Variants in ATF2 observed in about 807,000 individuals in gnomAD.
The protein encoded by ATF2 is activating transcription factor 2.
A neutral mutation model predicts 60.6 loss-of-function variants in ATF2; 24 were observed. That is an observed-to-expected ratio of 0.40 (90% CI 0.29 to 0.56). ATF2 has a LOEUF of 0.56. ATF2 is among the 20% of genes least tolerant of loss of function. The pLI, the probability that ATF2 is intolerant of heterozygous loss-of-function variation, is 0.54. For missense variants in ATF2, 433 were observed against 607.7 expected (o/e 0.71, Z 3.02); for synonymous variants, 206 against 215.4 (o/e 0.96, Z 0.38).
intron 12 of ATF2, chr2:175,092,653 C>A: frequency 4.7e-6 from 2 of 428,296 alleles, no homozygotes; most frequent in Non-Finnish European, 4.7e-6. Flanking sequence ...ATTTATAATT[C>A]AAAGAATGAA....
chr2:175,092,982 G>C (rs1005222106), intron 12 of ATF2, 79 bp downstream of exon 12: 1 of 1,464,674 alleles, frequency 6.8e-7, no homozygotes, highest in African/African-American at 1.4e-5. Context: ...ATGTTTGGAG[G>C]CCCAACTAGG....
chr2:175,121,377 T>C (rs1696943994), intron 5 of ATF2, 67 bp downstream of exon 5: 1 of 1,045,062 alleles, frequency 9.6e-7, no homozygotes, highest in Admixed American at 2.5e-5. Context: ...TTACAGAGAA[T>C]ACACAAAAAT....
intron 4 of ATF2, among the ~76,000 whole-genome samples, chr2:175,129,408 C>T (rs1327932009): frequency 6.6e-6 from 1 of 151,974 alleles, no homozygotes; most frequent in East Asian, 1.9e-4. Context: ...TGTGTTAAAA[C>T]TTATCAAATG....
At chr2:175,098,768 C>T (rs2105613929) in intron 10 of ATF2, among the ~76,000 whole-genome samples, 1 of 152,264 alleles carries the variant, frequency 6.6e-6, no homozygotes, top group African/African-American at 2.4e-5. Flanking sequence ...TATTTCCATT[C>T]ACTTCAACTA....
chr2:175,131,659 GA>G (rs2105751597), intron 3 of ATF2, among the ~76,000 whole-genome samples: 1 of 152,084 alleles, frequency 6.6e-6, no homozygotes, highest in East Asian at 1.9e-4. Flanking sequence ...ACAAACTAAG[GA>G]ATACTGATAT....
chr2:175,140,943 A>G lies in ATF2; in HGVS notation c.-43-4457T>C, dbSNP rs180995963. The stretch of plus-strand genomic sequence containing the variant: ...GCCTAGGATTTTGAGACTGCAGTGA[A>G]CTATGCTCTTGCCAATACACTCCAG... On this transcript the variant is annotated intron_variant, in intron 2 of 13. Coordinates refer to ENST00000264110, the MANE Select transcript of ATF2 (RefSeq NM_001880.4). Among the ~76,000 whole-genome samples, 4 of 137,272 alleles carry G rather than the reference A, an allele frequency of 2.9e-5. No homozygotes were observed. In the Admixed American group the frequency reaches 3.1e-4, roughly 11 times the overall value. The allele number at this position is 137,272 out of a possible 152,430, so 90.1% of individuals were successfully genotyped here. A position where few individuals can be genotyped will look rare whatever the true frequency, so the allele number is the denominator to read the frequency against.
chr2:175,148,261 T>C (rs1204251772), intron 2 of ATF2, among the ~76,000 whole-genome samples: 1 of 152,140 alleles, frequency 6.6e-6, no homozygotes, highest in Non-Finnish European at 1.5e-5. Context: ...TGAGTTTCCA[T>C]TCCCTAAATA....
Position 175,074,495 on chromosome 2 carries a change from T to C in ATF2, c.*114A>G. 9.8e-7 allele frequency: 1 copy of C among 1,020,698 alleles called. No individual in the cohort carries two copies. Among genetic ancestry groups the C allele is most frequent in the South Asian group, 2.1e-5 (1 of 48,530 alleles). The allele number at this position is 1,020,698 out of a possible 1,614,324, so 63.2% of individuals were successfully genotyped here. A position where few individuals can be genotyped will look rare whatever the true frequency, so the allele number is the denominator to read the frequency against. On this transcript the variant is annotated 3_prime_UTR_variant, in exon 14 of 14. Transcript: ENST00000264110. Reference sequence around the variant, plus strand: ...CTTTAGAGCCAAATTTAATTTCAAGTAAAAAAAAAAAATTTACAACCACAG... The same window carrying C: ...CTTTAGAGCCAAATTTAATTTCAAGCAAAAAAAAAAAATTTACAACCACAG...
chr2:175,083,742 T>A (rs1693933735), intron 12 of ATF2, among the ~76,000 whole-genome samples: 1 of 152,274 alleles, frequency 6.6e-6, no homozygotes, highest in Non-Finnish European at 1.5e-5. Flanking sequence ...CGCAACCTAC[T>A]TATCTGACAA....
At chr2:175,134,540 T>TA (rs34374458) in intron 3 of ATF2, among the ~76,000 whole-genome samples, 358 of 134,994 alleles carry the variant, frequency 2.7e-3, no homozygotes, top group African/African-American at 6.6e-3. Flanking sequence ...AAAACTGGTT[T>TA]AAAAAAAAAA....
At chr2:175,164,308 TG>T (rs1700215050) in intron 1 of ATF2, among the ~76,000 whole-genome samples, 1 of 151,794 alleles carries the variant, frequency 6.6e-6, no homozygotes, top group Admixed American at 6.6e-5. Flanking sequence ...CCAAGGCGAG[TG>T]GATCACTCGA....
chr2:175,129,802 C>T (rs549106213), intron 4 of ATF2, among the ~76,000 whole-genome samples: 8 of 152,038 alleles, frequency 5.3e-5, no homozygotes, highest in East Asian at 1.9e-4. Flanking sequence ...CATATAATAT[C>T]GATCTGATTT....
chr2:175,106,739 G>C (rs1260703704), intron 10 of ATF2, among the ~76,000 whole-genome samples: 1 of 152,134 alleles, frequency 6.6e-6, no homozygotes, highest in Non-Finnish European at 1.5e-5. Flanking sequence ...GGGAGGCTGA[G>C]GCAGGAAAAC....
At position 175,113,980 on chromosome 2, in the gene ATF2, T is replaced by C; in HGVS notation, c.741+14A>G. ...AGTTTTGCGATAGAGATTTAAATAG[T>C]CTAACTTTCTTACTGGGACTGCAGC... On this transcript the variant is annotated intron_variant, in intron 9 of 13. Transcript: ENST00000264110. 1 of 1,587,530 alleles carries C rather than the reference T, an allele frequency of 6.3e-7. No homozygotes were observed. The highest frequency in any genetic ancestry group is 8.6e-7 in the Non-Finnish European group (1 of 1,159,724).
chr2:175,166,866 T>C (rs550947672), intron 1 of ATF2, among the ~76,000 whole-genome samples: 41 of 152,322 alleles, frequency 2.7e-4, no homozygotes, highest in African/African-American at 8.9e-4. Flanking sequence ...CTCTAAGAAA[T>C]TTAAACTTTC....
chr2:175,082,371 C>T (rs949107002), intron 12 of ATF2, among the ~76,000 whole-genome samples: 17 of 152,126 alleles, frequency 1.1e-4, no homozygotes, highest in East Asian at 3.8e-4. Context: ...AAAAGATAAG[C>T]TGTCATTTAG....
chr2:175,113,867 A>C lies in ATF2; in HGVS notation c.741+127T>G, dbSNP rs35480557. ...TATGCTATTACAATGATAACAAATAAATACTATCAACTGCTAATCAATATT... is the reference window on the plus strand; with the variant it reads ...TATGCTATTACAATGATAACAAATACATACTATCAACTGCTAATCAATATT... On this transcript the variant is annotated intron_variant, in intron 9 of 13. Transcript: ENST00000264110. The C allele has an allele frequency of 0.036, 30,187 of 838,492 alleles. 809 individuals carry two copies. Among genetic ancestry groups the C allele is most frequent in the Admixed American group, 0.12 (4,676 of 40,380 alleles). The allele number at this position is 838,492 out of a possible 1,614,324, so 51.9% of individuals were successfully genotyped here.
intron 10 of ATF2, among the ~76,000 whole-genome samples, chr2:175,106,087 G>A (rs1211140387): frequency 6.6e-6 from 1 of 151,834 alleles, no homozygotes; most frequent in African/African-American, 2.4e-5. Flanking sequence ...TAATTAAGTA[G>A]GAGAAAACAA....
At chr2:175,094,164 G>A (rs945393973) in intron 11 of ATF2, among the ~76,000 whole-genome samples, 2 of 152,080 alleles carry the variant, frequency 1.3e-5, no homozygotes, top group Non-Finnish European at 2.9e-5. Flanking sequence ...AGGCCAAGGC[G>A]GGTGGATCAC....
Sources: allele counts gnomAD v4.1 joint callset (sites outside exome capture counted in the v4.1 genomes callset), GRCh38; gene constraint gnomAD v4.1.1; transcripts MANE v1.5; gene names NCBI Gene and HGNC (gene_info 2026-07-23, HGNC 2026-07-21).